The following MVB12B variants were observed in gnomAD, a reference collection of about 807,000 sequenced individuals.
MVB12B encodes multivesicular body subunit 12B.
Under a neutral mutation model 41.6 loss-of-function variants are expected in MVB12B, and 16 were observed. The observed-to-expected ratio is 0.38, with a 90% CI of 0.26 to 0.58. The LOEUF (loss-of-function observed/expected upper bound fraction) is 0.58. MVB12B is among the 20% of genes least tolerant of loss of function. MVB12B has a pLI of 0.62. For missense variants in MVB12B, 274 were observed against 380.2 expected (o/e 0.72, Z 2.32); for synonymous variants, 133 against 139.7 (o/e 0.95, Z 0.34).
At chr9:126,335,284 C>G (rs747130478) in intron 1 of MVB12B, 51 of 1,288,902 alleles carry the variant, frequency 4.0e-5, no homozygotes, top group Non-Finnish European at 5.0e-5. Flanking sequence ...GGATGCTATC[C>G]TGAGGCTCCA....
In MVB12B at chr9:126,392,631, CAAG is replaced by C. The variant is rs2118999443; in HGVS notation, c.539+439_539+441del. Reference sequence around the variant, plus strand: ...CTAAAAGGGACAGACGAGCAATAAACAAGAAAATAAATGAGATAATTCCAGACA... The same window carrying C: ...CTAAAAGGGACAGACGAGCAATAAACAAAATAAATGAGATAATTCCAGACA... On this transcript the variant is annotated intron_variant, in intron 5 of 9. Coordinates refer to ENST00000361171, the MANE Select transcript of MVB12B (RefSeq NM_033446.3). This position sits in a 1 kb window ranked among gnomAD's most constrained non-coding sequence, Gnocchi z 4.8. Among the ~76,000 whole-genome samples, 1 of 152,270 alleles carries C rather than the reference CAAG, an allele frequency of 6.6e-6. No individual in the cohort carries two copies. The highest frequency in any genetic ancestry group is 1.5e-5 in the Non-Finnish European group (1 of 68,024).
At chr9:126,375,643 C>T (rs1368086604) in intron 2 of MVB12B, among the ~76,000 whole-genome samples, 4 of 152,220 alleles carry the variant, frequency 2.6e-5, no homozygotes, top group South Asian at 2.1e-4. Context: ...ATTTAATCCT[C>T]GGTTCTGCTG....
rs932514387 is a variant in MVB12B, at chr9:126,470,304, G to A, written c.758-11065G>A. On this transcript the variant is annotated intron_variant, in intron 7 of 9. Coordinates refer to ENST00000361171, the MANE Select transcript of MVB12B (RefSeq NM_033446.3). ...GCTCTCCGTGGTGTCTGCTATCTCTGGTGTTGCAAGTCAAGCTCGACTTGG... is the reference window on the plus strand; with the variant it reads ...GCTCTCCGTGGTGTCTGCTATCTCTAGTGTTGCAAGTCAAGCTCGACTTGG... 6.6e-5 allele frequency among the ~76,000 whole-genome samples: 10 copies of A among 152,236 alleles called. No homozygotes were observed. The East Asian group carries it at 1.9e-3, about 29-fold the overall frequency.
At chr9:126,363,885 C>A (rs1830093027) in intron 2 of MVB12B, among the ~76,000 whole-genome samples, 1 of 152,188 alleles carries the variant, frequency 6.6e-6, no homozygotes, top group Non-Finnish European at 1.5e-5. Flanking sequence ...GCACCCTTTT[C>A]CTCCATTGCA....
chr9:126,374,312 AAGGGAGTCCCTTGAACC>A (rs1164466381), intron 2 of MVB12B, among the ~76,000 whole-genome samples: 1 of 152,224 alleles, frequency 6.6e-6, no homozygotes. Flanking sequence ...TTCAGGGATT[AAGGGAGTCCCTTGAACC>A]AGGGAGGCTG....
At position 126,386,331 on chromosome 9, in the gene MVB12B, C is replaced by T. The variant is rs1167945991; in HGVS notation, c.313-231C>T. Reference sequence around the variant, plus strand: ...CTGGGTTGCTCCTGCCTCACCAAGGCCGTGTCTGAGTTGAGTGGCTTTGAG... The same window carrying T: ...CTGGGTTGCTCCTGCCTCACCAAGGTCGTGTCTGAGTTGAGTGGCTTTGAG... On this transcript the variant is annotated intron_variant, in intron 3 of 9. Transcript: ENST00000361171. The surrounding 1 kb of genome is among the most constrained non-coding windows in gnomAD (Gnocchi z 4.3). Among the ~76,000 whole-genome samples, 2 of 152,196 alleles carry T rather than the reference C, an allele frequency of 1.3e-5. No homozygotes were observed. Among genetic ancestry groups the T allele is most frequent in the African/African-American group, 4.8e-5 (2 of 41,446 alleles).
chr9:126,336,686 C>T (rs1403118518), intron 1 of MVB12B, among the ~76,000 whole-genome samples: 1 of 152,124 alleles, frequency 6.6e-6, no homozygotes, highest in Non-Finnish European at 1.5e-5. Context: ...GAAAACACTT[C>T]ACCTTAACCC....
intron 7 of MVB12B, among the ~76,000 whole-genome samples, chr9:126,424,310 C>G (rs741028): frequency 0.47 from 71,181 of 152,050 alleles, 16,882 homozygotes; most frequent in South Asian, 0.54. Context: ...TCCCATCATG[C>G]CTGCTAAGGG....
At chr9:126,361,273 C>T (rs1409989844) in intron 2 of MVB12B, among the ~76,000 whole-genome samples, 1 of 151,882 alleles carries the variant, frequency 6.6e-6, no homozygotes, top group Non-Finnish European at 1.5e-5. Flanking sequence ...TACCATGTAT[C>T]TTTAGCTTAT....
intron 6 of MVB12B, among the ~76,000 whole-genome samples, chr9:126,411,904 C>A (rs1479860076): frequency 2.6e-5 from 4 of 152,192 alleles, no homozygotes; most frequent in Non-Finnish European, 2.9e-5. Context: ...ACACAGGGGA[C>A]TTGGAGCAGG....
At chr9:126,491,240 T>C (rs1031856436) in intron 9 of MVB12B, among the ~76,000 whole-genome samples, 1 of 152,268 alleles carries the variant, frequency 6.6e-6, no homozygotes, top group African/African-American at 2.4e-5. Flanking sequence ...TCTGCGGGTC[T>C]CTTCAAATAT....
Position 126,395,482 on chromosome 9 carries a change from C to A in MVB12B, c.540-93C>A. Reference sequence around the variant, plus strand: ...AGAATTGATTCCCTGGTGTTTGAGGCCATGACTCTTTTAAATGAATTGGTT... The same window carrying A: ...AGAATTGATTCCCTGGTGTTTGAGGACATGACTCTTTTAAATGAATTGGTT... On this transcript the variant is annotated intron_variant, in intron 5 of 9. Transcript: ENST00000361171. The surrounding 1 kb of genome is among the most constrained non-coding windows in gnomAD (Gnocchi z 4.9). 1 of 1,458,828 alleles carries A rather than the reference C, an allele frequency of 6.9e-7. No individual in the cohort carries two copies. The highest frequency in any genetic ancestry group is 9.4e-7 in the Non-Finnish European group (1 of 1,059,532). The allele number at this position is 1,458,828 out of a possible 1,614,324, so 90.4% of individuals were successfully genotyped here.
chr9:126,428,392 T>C (rs1832239933), intron 7 of MVB12B, among the ~76,000 whole-genome samples: 1 of 152,092 alleles, frequency 6.6e-6, no homozygotes. Flanking sequence ...ATGAAAAAAA[T>C]GTGTATCTTA....
intron 9 of MVB12B, among the ~76,000 whole-genome samples, chr9:126,489,833 C>A (rs544560639): frequency 6.6e-6 from 1 of 152,292 alleles, no homozygotes; most frequent in African/African-American, 2.4e-5. Context: ...CCTCATCGTC[C>A]CTCAGCCAGG....
At chr9:126,398,921 A>G (rs1177790506) in intron 6 of MVB12B, among the ~76,000 whole-genome samples, 2 of 152,208 alleles carry the variant, frequency 1.3e-5, no homozygotes, top group African/African-American at 4.8e-5. Context: ...TCCCAGCTTT[A>G]CTTCAGACAA....
chr9:126,393,628 G>A (rs1419037696), intron 5 of MVB12B, among the ~76,000 whole-genome samples: 1 of 152,204 alleles, frequency 6.6e-6, no homozygotes, highest in Non-Finnish European at 1.5e-5. Context: ...AATATGGAGG[G>A]GCAGTCAAAA....
chr9:126,341,373 A>C (rs1158869744), intron 2 of MVB12B, among the ~76,000 whole-genome samples: 1 of 152,222 alleles, frequency 6.6e-6, no homozygotes, highest in Non-Finnish European at 1.5e-5. Context: ...AGGAGGGTTT[A>C]ATTAACAGTG....
At chr9:126,450,666 C>T (rs1387274945) in intron 7 of MVB12B, among the ~76,000 whole-genome samples, 2 of 152,186 alleles carry the variant, frequency 1.3e-5, no homozygotes, top group African/African-American at 4.8e-5. Flanking sequence ...GTGCTTCACC[C>T]AAACTCTCTT....
At chr9:126,409,757 G>A (rs1207341575) in intron 6 of MVB12B, among the ~76,000 whole-genome samples, 1 of 152,148 alleles carries the variant, frequency 6.6e-6, no homozygotes, top group Non-Finnish European at 1.5e-5. Context: ...TGAGCAGCTG[G>A]GAAGGGGTTA....
Sources: gnomAD v4.1 joint callset for allele counts (sites outside exome capture counted in the v4.1 genomes callset) on GRCh38, gnomAD v4.1.1 for gene constraint, Gnocchi (gnomAD v3.1) non-coding constraint, MANE v1.5 for transcripts, NCBI Gene and HGNC (gene_info 2026-07-23, HGNC 2026-07-21) for gene names.